The following QTMAN variants were observed in gnomAD, a reference collection of about 807,000 sequenced individuals.
The protein encoded by QTMAN is queuosine-tRNA mannosyltransferase, also known as tRNA-queuosine alpha-mannosyltransferase.
chr2:144,257,510 T>C, the QTMAN span, among the ~76,000 whole-genome samples: 1 of 152,158 alleles, frequency 6.6e-6, no homozygotes, highest in African/African-American at 2.4e-5. Context: ...ACTAGACTAC[T>C]TACTACATAG....
the QTMAN span, among the ~76,000 whole-genome samples, chr2:144,229,322 T>C: frequency 6.6e-6 from 1 of 152,260 alleles, no homozygotes. Flanking sequence ...GTTCTGCCTT[T>C]TTTGTTGAAA....
At chr2:144,246,495 C>T in the QTMAN span, among the ~76,000 whole-genome samples, 1 of 149,878 alleles carries the variant, frequency 6.7e-6, no homozygotes, top group East Asian at 2.0e-4. Context: ...ATGGCGTGAA[C>T]CCGGGAAGCG....
chr2:144,248,021 A>G, the QTMAN span, among the ~76,000 whole-genome samples: 1 of 152,190 alleles, frequency 6.6e-6, no homozygotes, highest in Admixed American at 6.5e-5. Flanking sequence ...GCCTTTAACA[A>G]CTATTCAAAT....
At chr2:143,974,688 T>A in the QTMAN span, among the ~76,000 whole-genome samples, 5 of 152,128 alleles carry the variant, frequency 3.3e-5, no homozygotes, top group East Asian at 9.6e-4. Context: ...TAGGGGTTGT[T>A]ATGTTTCTTT....
the QTMAN span, chr2:144,142,081 A>G: frequency 2.5e-6 from 4 of 1,569,148 alleles, 1 homozygote; most frequent in South Asian, 4.5e-5. Flanking sequence ...ACAAATGCAA[A>G]TGATGAGCCC....
chr2:144,241,982 T>A, the QTMAN span, among the ~76,000 whole-genome samples: 1 of 151,936 alleles, frequency 6.6e-6, no homozygotes, highest in South Asian at 2.1e-4. Flanking sequence ...CAGAAATAAC[T>A]CAGAAATTCA....
chr2:144,221,078 T>C, the QTMAN span, among the ~76,000 whole-genome samples: 1 of 152,196 alleles, frequency 6.6e-6, no homozygotes, highest in African/African-American at 2.4e-5. Context: ...ATCTGTACAG[T>C]AGATGCAAAG....
At chr2:144,150,986 G>A in the QTMAN span, among the ~76,000 whole-genome samples, 20 of 152,092 alleles carry the variant, frequency 1.3e-4, no homozygotes, top group Non-Finnish European at 2.2e-4. Context: ...GGAACTGAAC[G>A]AAGACCAAGG....
chr2:144,118,007 G>A, the QTMAN span, among the ~76,000 whole-genome samples: 29 of 151,848 alleles, frequency 1.9e-4, no homozygotes, highest in African/African-American at 6.3e-4. Context: ...CACCACGCCC[G>A]GCTAATTTTT....
the QTMAN span, among the ~76,000 whole-genome samples, chr2:143,968,510 A>G: frequency 2.6e-5 from 4 of 152,200 alleles, no homozygotes; most frequent in African/African-American, 9.7e-5. Context: ...ATTGCTCTAA[A>G]TAACTCAAGG....
At chr2:144,244,865 A>G in the QTMAN span, among the ~76,000 whole-genome samples, 15 of 152,310 alleles carry the variant, frequency 9.8e-5, no homozygotes, top group African/African-American at 3.4e-4. Flanking sequence ...CCACTACAGG[A>G]TTAATATTCC....
At chr2:144,076,706 A>G in the QTMAN span, among the ~76,000 whole-genome samples, 4 of 152,336 alleles carry the variant, frequency 2.6e-5, no homozygotes, top group African/African-American at 9.6e-5. Flanking sequence ...AAAGAGAAAA[A>G]CAGGAATTAT....
At chr2:144,009,463 G>C in the QTMAN span, among the ~76,000 whole-genome samples, 1 of 152,058 alleles carries the variant, frequency 6.6e-6, no homozygotes. Flanking sequence ...TTTGGCTGTA[G>C]GACCCTATGT....
chr2:143,967,365 C>G, the QTMAN span, among the ~76,000 whole-genome samples: 1 of 150,752 alleles, frequency 6.6e-6, no homozygotes, highest in Non-Finnish European at 1.5e-5. Flanking sequence ...GAGTCTCACT[C>G]TGTTGTCCAG....
At chr2:144,176,320 T>C in the QTMAN span, among the ~76,000 whole-genome samples, 1 of 152,290 alleles carries the variant, frequency 6.6e-6, no homozygotes, top group South Asian at 2.1e-4. Flanking sequence ...ATTTTTTAAG[T>C]GAACAAAATT....
At chr2:144,045,421 G>A in the QTMAN span, among the ~76,000 whole-genome samples, 2 of 152,212 alleles carry the variant, frequency 1.3e-5, no homozygotes, top group Non-Finnish European at 2.9e-5. Context: ...CACATCTAAC[G>A]AAGCAGAAGA....
chr2:144,262,641 GGGGAGGGGAGATGGAAT>G, the QTMAN span, among the ~76,000 whole-genome samples: 2 of 94,814 alleles, frequency 2.1e-5, no homozygotes, highest in Non-Finnish European at 4.3e-5. Flanking sequence ...GGGAGGGAGA[GGGGAGGGGAGATGGAAT>G]GGGAGGGGAG....
At chr2:144,293,808 T>C in the QTMAN span, among the ~76,000 whole-genome samples, 1 of 152,226 alleles carries the variant, frequency 6.6e-6, no homozygotes, top group Non-Finnish European at 1.5e-5. Context: ...TAATAAAGAC[T>C]ACATGCAGGC....
chr2:144,314,850 A>G, the QTMAN span, among the ~76,000 whole-genome samples: 1 of 152,316 alleles, frequency 6.6e-6, no homozygotes, highest in Non-Finnish European at 1.5e-5. Context: ...ACTTTATTGG[A>G]CATAAATTAT....
Sources: allele counts gnomAD v4.1 joint callset (sites outside exome capture counted in the v4.1 genomes callset), GRCh38; gene constraint gnomAD v4.1.1; transcripts MANE v1.5; gene names NCBI Gene and HGNC (gene_info 2026-07-23, HGNC 2026-07-21).